Variants in RANBP17 observed in about 807,000 individuals in gnomAD.
The protein encoded by RANBP17 is RAN binding protein 17, also known as ran-binding protein 17.
A neutral mutation model predicts 141.2 loss-of-function variants in RANBP17; 158 were observed. The observed-to-expected ratio is 1.12, with a 90% CI of 0.98 to 1.28. The LOEUF (loss-of-function observed/expected upper bound fraction) is 1.28. Ranked by LOEUF, RANBP17 falls within the 50% of genes most tolerant of loss-of-function variation. The probability of loss-of-function intolerance (pLI) is 0.00; values close to 1 mark genes in which losing one functional copy is unlikely to be tolerated. For missense variants in RANBP17, 1,438 were observed against 1,290.7 expected (o/e 1.11, Z -1.75); for synonymous variants, 430 against 450.0 (o/e 0.96, Z 0.56).
At chr5:171,282,487 T>C (rs1767918193) in intron 25 of RANBP17, among the ~76,000 whole-genome samples, 1 of 150,496 alleles carries the variant, frequency 6.6e-6, no homozygotes, top group Non-Finnish European at 1.5e-5. Flanking sequence ...GTTGTTGTTG[T>C]TGTTGTTGTT....
chr5:171,091,226 C>G (rs1432898456), intron 14 of RANBP17, among the ~76,000 whole-genome samples: 1 of 152,212 alleles, frequency 6.6e-6, no homozygotes, highest in Non-Finnish European at 1.5e-5. Flanking sequence ...CTTGCATCAT[C>G]ATGGCCTGGA....
chr5:171,046,648 T>C (rs1308008214), intron 14 of RANBP17, among the ~76,000 whole-genome samples: 1 of 152,190 alleles, frequency 6.6e-6, no homozygotes. Flanking sequence ...GCATATGATA[T>C]GTAAGAATAG....
chr5:171,231,541 CAT>C (rs1226222237), intron 22 of RANBP17, among the ~76,000 whole-genome samples: 1 of 152,144 alleles, frequency 6.6e-6, no homozygotes, highest in Non-Finnish European at 1.5e-5. Context: ...ATTGTTTGCA[CAT>C]GAGATCACTC....
chr5:171,216,574 C>T (rs1581044952), intron 21 of RANBP17, among the ~76,000 whole-genome samples: 1 of 152,286 alleles, frequency 6.6e-6, no homozygotes, highest in Non-Finnish European at 1.5e-5. Flanking sequence ...TTTGTGTCCT[C>T]TCTTATTTCC....
At chr5:170,946,424 A>G (rs1774766678) in intron 12 of RANBP17, among the ~76,000 whole-genome samples, 1 of 152,168 alleles carries the variant, frequency 6.6e-6, no homozygotes, top group Non-Finnish European at 1.5e-5. Context: ...CATCCATTAC[A>G]TGAAGTGTAT....
intron 14 of RANBP17, among the ~76,000 whole-genome samples, chr5:170,996,802 T>C (rs1778845498): frequency 1.3e-5 from 2 of 152,162 alleles, no homozygotes; most frequent in Non-Finnish European, 1.5e-5. Flanking sequence ...TCCTACTCAT[T>C]TTGCATTAGT....
At chr5:170,896,310 T>G (rs763199353) in intron 5 of RANBP17, 195 bp downstream of exon 5, 4 of 560,018 alleles carry the variant, frequency 7.1e-6, no homozygotes, top group Non-Finnish European at 1.3e-5. Flanking sequence ...TTATTGAAGA[T>G]ATCTGCAATA....
At chr5:171,136,638 G>C (rs1216518367) in intron 14 of RANBP17, among the ~76,000 whole-genome samples, 1 of 152,104 alleles carries the variant, frequency 6.6e-6, no homozygotes, top group East Asian at 1.9e-4. Context: ...TATTGTCTTA[G>C]GAGAGTCTCT....
At chr5:171,062,967 C>G (rs1454734357) in intron 14 of RANBP17, among the ~76,000 whole-genome samples, 2 of 152,012 alleles carry the variant, frequency 1.3e-5, no homozygotes, top group African/African-American at 4.8e-5. Context: ...CCTGAGGCTT[C>G]TGCATTCTTC....
intron 13 of RANBP17, among the ~76,000 whole-genome samples, chr5:170,966,991 C>T (rs112519550): frequency 0.011 from 1,629 of 152,064 alleles, 24 homozygotes; most frequent in African/African-American, 0.038. Flanking sequence ...TTACAAGGGA[C>T]GTGAAGGACC....
At chr5:171,071,175 G>A (rs977848592) in intron 14 of RANBP17, among the ~76,000 whole-genome samples, 2 of 151,932 alleles carry the variant, frequency 1.3e-5, no homozygotes, top group Non-Finnish European at 2.9e-5. Context: ...CCCTTCTTTT[G>A]TGATCTTTGC....
intron 14 of RANBP17, among the ~76,000 whole-genome samples, chr5:171,019,854 A>C (rs1158864019): frequency 6.6e-6 from 1 of 151,986 alleles, no homozygotes; most frequent in Admixed American, 6.6e-5. Context: ...TAGCTGTTTT[A>C]ATTATGATGT....
chr5:171,124,149 T>G (rs1348088118), intron 14 of RANBP17, among the ~76,000 whole-genome samples: 1 of 151,724 alleles, frequency 6.6e-6, no homozygotes, highest in Non-Finnish European at 1.5e-5. Flanking sequence ...AATGAGAAAT[T>G]TATCAAAAAG....
chr5:170,866,879 G>C (rs978378282), intron 1 of RANBP17: 1 of 152,360 alleles, frequency 6.6e-6, no homozygotes, highest in Non-Finnish European at 1.5e-5. Flanking sequence ...TACTTAGGAG[G>C]CTGAGGTAGG....
intron 22 of RANBP17, among the ~76,000 whole-genome samples, chr5:171,236,891 C>G (rs1422426719): frequency 6.6e-6 from 1 of 152,118 alleles, no homozygotes; most frequent in Non-Finnish European, 1.5e-5. Context: ...CACTGTAAAT[C>G]AGTACCTTCT....
chr5:171,139,875 T>C (rs1487162491), intron 14 of RANBP17, among the ~76,000 whole-genome samples: 1 of 152,226 alleles, frequency 6.6e-6, no homozygotes, highest in Admixed American at 6.5e-5. Flanking sequence ...AACCCAACTT[T>C]ACATAGGTAT....
At chr5:171,138,200 C>T (rs1757448670) in intron 14 of RANBP17, among the ~76,000 whole-genome samples, 1 of 152,096 alleles carries the variant, frequency 6.6e-6, no homozygotes. Context: ...TCACTTTCAC[C>T]TCTGAAACAA....
intron 14 of RANBP17, among the ~76,000 whole-genome samples, chr5:171,161,094 G>A (rs1209108258): frequency 1.3e-5 from 2 of 152,078 alleles, no homozygotes; most frequent in Non-Finnish European, 2.9e-5. Context: ...GCCCGGCTGA[G>A]ATTCTTAAAA....
intron 14 of RANBP17, among the ~76,000 whole-genome samples, chr5:171,079,600 C>G (rs888013210): frequency 6.6e-6 from 1 of 152,184 alleles, no homozygotes; most frequent in Non-Finnish European, 1.5e-5. Context: ...CCACCCTTAT[C>G]GGTCAGAAGA....
Sources: gnomAD v4.1 joint callset for allele counts (sites outside exome capture counted in the v4.1 genomes callset) on GRCh38, gnomAD v4.1.1 for gene constraint, MANE v1.5 for transcripts, NCBI Gene and HGNC (gene_info 2026-07-23, HGNC 2026-07-21) for gene names.